Variants in IQCM observed in about 807,000 individuals in gnomAD.
The protein encoded by IQCM is IQ domain-containing protein M.
A neutral mutation model predicts 57.6 loss-of-function variants in IQCM; 45 were observed. That is an observed-to-expected ratio of 0.78 (90% confidence interval 0.62 to 1.00). The LOEUF is 1.00. Ranked by LOEUF, IQCM falls within the 50% of genes least tolerant of loss-of-function variation. IQCM has a pLI of 0.00. For synonymous variants in IQCM, 148 were observed against 158.9 expected (o/e 0.93, Z 0.51); for missense variants, 468 against 511.6 (o/e 0.91, Z 0.82).
At chr4:149,546,186 A>G (rs1340415224) in intron 12 of IQCM, among the ~76,000 whole-genome samples, 5 of 152,178 alleles carry the variant, frequency 3.3e-5, no homozygotes. Flanking sequence ...CATGGTGTAT[A>G]TGTGCCACAT....
At position 149,733,422 on chromosome 4, in the gene IQCM, G is replaced by A. The variant is rs372716793; in HGVS notation, c.207C>T (p.Asp69=). The stretch of plus-strand genomic sequence containing the variant: ...GCACCACATCACGTGTTACCTTTTT[G>A]TCAATCTCCAAAGGTATGTATTTGC... The part of the protein sequence containing the change: ...KSGKYIPLEI[D]KKVTRDVVQE... The change falls in exon 5 of 14, where the codon GAC becomes GAT. Residue 69 remains aspartate, a synonymous_variant. Transcript: ENST00000636793. 4 of 1,231,700 alleles carry A rather than the reference G, an allele frequency of 3.2e-6. No individual in the cohort carries two copies. The highest frequency in any genetic ancestry group is 3.1e-5 in the African/African-American group (2 of 64,462). 76.3% of individuals were successfully genotyped at this position (1,231,700 alleles called of 1,614,324 possible).
intron 12 of IQCM, among the ~76,000 whole-genome samples, chr4:149,480,296 T>C (rs918793073): frequency 1.3e-5 from 2 of 152,200 alleles, no homozygotes; most frequent in African/African-American, 2.4e-5. Flanking sequence ...TATTTTTAAA[T>C]ACACACTTAA....
At chr4:149,670,373 T>C (rs1224103676) in intron 7 of IQCM, among the ~76,000 whole-genome samples, 5 of 152,168 alleles carry the variant, frequency 3.3e-5, no homozygotes, top group Non-Finnish European at 5.9e-5. Flanking sequence ...TAAGGAGATT[T>C]TGGGCTGAGA....
At chr4:149,476,888 T>C (rs954747787) in intron 12 of IQCM, among the ~76,000 whole-genome samples, 7 of 152,136 alleles carry the variant, frequency 4.6e-5, no homozygotes, top group Admixed American at 3.9e-4. Flanking sequence ...TACCTATTGG[T>C]ACAATAACAA....
intron 13 of IQCM, among the ~76,000 whole-genome samples, chr4:149,354,378 A>AC (rs1560766372): frequency 1.4e-5 from 2 of 142,244 alleles, no homozygotes; most frequent in South Asian, 2.3e-4. Flanking sequence ...AAAAAAAAAA[A>AC]AAAAAAAAAA....
At chr4:149,568,390 T>C (rs1221759254) in intron 9 of IQCM, among the ~76,000 whole-genome samples, 1 of 152,170 alleles carries the variant, frequency 6.6e-6, no homozygotes, top group Non-Finnish European at 1.5e-5. Flanking sequence ...TTTGTCTAAT[T>C]CAATACTGTA....
intron 13 of IQCM, among the ~76,000 whole-genome samples, chr4:149,373,117 A>G (rs1161484135): frequency 6.6e-6 from 1 of 152,202 alleles, no homozygotes; most frequent in African/African-American, 2.4e-5. Context: ...CTAAATGTAG[A>G]AAGTTTTAAA....
intron 13 of IQCM, among the ~76,000 whole-genome samples, chr4:149,368,973 T>C (rs1361676666): frequency 4.7e-5 from 2 of 42,408 alleles, no homozygotes; most frequent in Non-Finnish European, 9.9e-5. Flanking sequence ...TATATATATA[T>C]GTGTATATAT....
intron 2 of IQCM, among the ~76,000 whole-genome samples, chr4:149,787,947 A>C (rs972003293): frequency 6.6e-6 from 1 of 152,254 alleles, no homozygotes; most frequent in African/African-American, 2.4e-5. Flanking sequence ...AATAATATTC[A>C]GAATATATAA....
intron 13 of IQCM, among the ~76,000 whole-genome samples, chr4:149,423,667 T>C (rs149953131): frequency 6.6e-6 from 1 of 152,162 alleles, no homozygotes; most frequent in East Asian, 1.9e-4. Context: ...TCACTGTCTA[T>C]CTTTTATTGT....
rs568275535 is a variant in IQCM, at chr4:149,518,732, C to T, written c.1228+29723G>A. The stretch of plus-strand genomic sequence containing the variant: ...TGGATATTAAGATGGAAATGACTCA[C>T]AGAATATTGTAAAGGTGAAAAGAGA... On this transcript the variant is annotated intron_variant, in intron 12 of 13. Coordinates refer to ENST00000636793, the MANE Select transcript of IQCM (RefSeq NM_001363507.2). 5.3e-5 allele frequency among the ~76,000 whole-genome samples: 8 copies of T among 152,148 alleles called. No homozygotes were observed. The South Asian group carries it at 8.3e-4, about 16-fold the overall frequency.
chr4:149,595,437 G>T (rs765044625), intron 8 of IQCM, among the ~76,000 whole-genome samples: 1 of 151,842 alleles, frequency 6.6e-6, no homozygotes, highest in Non-Finnish European at 1.5e-5. Context: ...GTTTAAATAG[G>T]TACTGTGAAG....
chr4:149,453,214 GATAGTCCTA>G (rs1737324190), intron 12 of IQCM, among the ~76,000 whole-genome samples: 1 of 151,676 alleles, frequency 6.6e-6, no homozygotes, highest in Non-Finnish European at 1.5e-5. Flanking sequence ...TAAAATGGAT[GATAGTCCTA>G]AGTTTGACAG....
At chr4:149,760,837 T>A (rs1386612973) in intron 2 of IQCM, among the ~76,000 whole-genome samples, 1 of 152,106 alleles carries the variant, frequency 6.6e-6, no homozygotes, top group Non-Finnish European at 1.5e-5. Context: ...AGAGTTTAAA[T>A]AATATTTAAA....
At chr4:149,519,392 C>A (rs1745352710) in intron 12 of IQCM, among the ~76,000 whole-genome samples, 1 of 152,062 alleles carries the variant, frequency 6.6e-6, no homozygotes, top group South Asian at 2.1e-4. Context: ...GAGGCCGAGG[C>A]AGGCAGATCA....
In IQCM at chr4:149,504,680, G is replaced by A. The variant is rs797011871; in HGVS notation, c.1228+43775C>T. ...TGCAATCCCAGCATTTTGGGAAGCCGAGGCAGGTGGCTCACTTGAGGCCAG... is the reference window on the plus strand; with the variant it reads ...TGCAATCCCAGCATTTTGGGAAGCCAAGGCAGGTGGCTCACTTGAGGCCAG... On this transcript the variant is annotated intron_variant, in intron 12 of 13. Coordinates refer to ENST00000636793, the MANE Select transcript of IQCM (RefSeq NM_001363507.2). Among the ~76,000 whole-genome samples, 111 of 152,268 alleles carry A rather than the reference G, an allele frequency of 7.3e-4. No individual in the cohort carries two copies. In the Middle Eastern group the frequency reaches 0.01, roughly 14 times the overall value.
At chr4:149,766,794 A>T (rs1165765641) in intron 2 of IQCM, among the ~76,000 whole-genome samples, 1 of 152,126 alleles carries the variant, frequency 6.6e-6, no homozygotes, top group Non-Finnish European at 1.5e-5. Flanking sequence ...GGTTGACGAA[A>T]ATAGAAAATT....
intron 5 of IQCM, among the ~76,000 whole-genome samples, chr4:149,696,937 G>A (rs1763383937): frequency 1.3e-5 from 2 of 152,162 alleles, no homozygotes; most frequent in Admixed American, 1.3e-4. Context: ...CAAGGTGGAG[G>A]AGGAAAGGAA....
At chr4:149,398,775 T>C (rs1578924138) in intron 13 of IQCM, among the ~76,000 whole-genome samples, 2 of 152,184 alleles carry the variant, frequency 1.3e-5, no homozygotes, top group East Asian at 3.9e-4. Context: ...GGCACACTCA[T>C]GGCTCACTGC....
Sources: allele counts gnomAD v4.1 joint callset (sites outside exome capture counted in the v4.1 genomes callset), GRCh38; gene constraint gnomAD v4.1.1; transcripts MANE v1.5; gene names NCBI Gene and HGNC (gene_info 2026-07-23, HGNC 2026-07-21).